FHOD3: variants seen among roughly 807,000 people sequenced by gnomAD.
FHOD3 encodes formin homology 2 domain containing 3, also known as FH1/FH2 domain-containing protein 3.
Under a neutral mutation model 173.0 loss-of-function variants are expected in FHOD3, and 90 were observed. The ratio of observed to expected loss-of-function variants is 0.52; its 90% CI spans 0.44 to 0.62. The LOEUF (loss-of-function observed/expected upper bound fraction) is 0.62, where lower values mean the gene tolerates loss of function less well. Among genes scored for constraint, FHOD3 ranks in the 20% least tolerant of loss-of-function variants. The probability of loss-of-function intolerance (pLI) is 0.00; values close to 1 mark genes in which losing one functional copy is unlikely to be tolerated. For missense variants in FHOD3, 1,945 were observed against 2,034.7 expected (o/e 0.96, Z 0.85); for synonymous variants, 828 against 823.0 (o/e 1.01, Z -0.10).
Position 36,648,031 on chromosome 18 carries a change from A to T in FHOD3, c.1197-1285A>T, listed in dbSNP as rs1600074807. ...GAAAAAACAGCTGAAGGACAGTGGGATGACAGAGTTAAAGATCCTGGTAGA... is the reference window on the plus strand; with the variant it reads ...GAAAAAACAGCTGAAGGACAGTGGGTTGACAGAGTTAAAGATCCTGGTAGA... On this transcript the variant is annotated intron_variant, in intron 10 of 28. Transcript: ENST00000590592. Among the ~76,000 whole-genome samples the T allele has an allele frequency of 2.0e-5, 3 of 152,226 alleles. No homozygotes were observed. In the East Asian group the frequency reaches 5.8e-4, roughly 29 times the overall value.
intron 3 of FHOD3, among the ~76,000 whole-genome samples, chr18:36,449,909 T>C (rs115255025): frequency 0.022 from 3,305 of 152,242 alleles, 119 homozygotes; most frequent in African/African-American, 0.075. Flanking sequence ...TTGAACCATG[T>C]TTTTCATTTA....
chr18:36,736,184 C>T (rs573746601), intron 20 of FHOD3, among the ~76,000 whole-genome samples: 1 of 152,352 alleles, frequency 6.6e-6, no homozygotes, highest in South Asian at 2.1e-4. Context: ...CCAGCAGGAG[C>T]AAAACTCCGT....
chr18:36,459,221 G>A (rs1046027430), intron 3 of FHOD3, among the ~76,000 whole-genome samples: 1 of 152,184 alleles, frequency 6.6e-6, no homozygotes, highest in African/African-American at 2.4e-5. Flanking sequence ...TCCTGATTGA[G>A]AAAGAGGAGC....
intron 17 of FHOD3, among the ~76,000 whole-genome samples, chr18:36,705,892 T>C (rs1411504459): frequency 2.0e-5 from 3 of 152,002 alleles, no homozygotes; most frequent in Non-Finnish European, 4.4e-5. Context: ...AATGAGACGT[T>C]TTCCTGCATT....
At chr18:36,316,986 T>A (rs1459077702) in intron 1 of FHOD3, among the ~76,000 whole-genome samples, 1 of 152,064 alleles carries the variant, frequency 6.6e-6, no homozygotes, top group Non-Finnish European at 1.5e-5. Flanking sequence ...TGGTTTTCTG[T>A]CCTTGTGATA....
intron 3 of FHOD3, among the ~76,000 whole-genome samples, chr18:36,403,311 G>A (rs1318989427): frequency 6.6e-6 from 1 of 152,198 alleles, no homozygotes; most frequent in Non-Finnish European, 1.5e-5. Flanking sequence ...AGGTGAATCT[G>A]CATGCTTATT....
chr18:36,438,350 G>A (rs1340655872), intron 3 of FHOD3, among the ~76,000 whole-genome samples: 1 of 152,054 alleles, frequency 6.6e-6, no homozygotes, highest in Non-Finnish European at 1.5e-5. Flanking sequence ...GCTTTTTCTT[G>A]CTGTGTTCTC....
rs758801879 is a variant in FHOD3 at position 36,388,027 on chromosome 18, G to GTTTA, written c.337+15288_337+15291dup. Among the ~76,000 whole-genome samples, 45 of 152,120 alleles carry GTTTA rather than the reference G, an allele frequency of 3.0e-4. 1 individual carries two copies. The highest frequency in any genetic ancestry group is 5.6e-4 in the Non-Finnish European group (38 of 68,008). ...TCCCTAACTGAACTTTGGGGACATA[G>GTTTA]TTTATTTAAAAATTGGAGAACTCTC... On this transcript the variant is annotated intron_variant, in intron 3 of 28. Transcript: ENST00000590592.
intron 3 of FHOD3, among the ~76,000 whole-genome samples, chr18:36,399,350 A>G (rs936691042): frequency 2.0e-5 from 3 of 152,174 alleles, no homozygotes; most frequent in Non-Finnish European, 4.4e-5. Flanking sequence ...CCCAGCTTGC[A>G]CCTATGGGTC....
chr18:36,692,151 C>T (rs1485229465), intron 16 of FHOD3, among the ~76,000 whole-genome samples: 1 of 152,226 alleles, frequency 6.6e-6, no homozygotes, highest in Non-Finnish European at 1.5e-5. Flanking sequence ...AAACCACACC[C>T]ACCTTGAGGA....
rs1304053067 is a variant in FHOD3 at position 36,701,199 on chromosome 18, A to G, written c.2236+7776A>G. Reference sequence around the variant, plus strand: ...AGAGACAGCTGTTTCCTCTCTACCCAGGAAGAAATTTATTACATGAGCCAT... The same window carrying G: ...AGAGACAGCTGTTTCCTCTCTACCCGGGAAGAAATTTATTACATGAGCCAT... On this transcript the variant is annotated intron_variant, in intron 17 of 28. Coordinates refer to ENST00000590592, the MANE Select transcript of FHOD3 (RefSeq NM_001281740.3). 3.3e-5 allele frequency among the ~76,000 whole-genome samples: 5 copies of G among 152,200 alleles called. No homozygotes were observed. In the South Asian group the frequency reaches 8.3e-4, roughly 25 times the overall value.
intron 2 of FHOD3, among the ~76,000 whole-genome samples, chr18:36,368,449 G>C (rs1051972055): frequency 6.6e-6 from 1 of 152,078 alleles, no homozygotes; most frequent in Non-Finnish European, 1.5e-5. Flanking sequence ...GCACACATCT[G>C]GGGGGCAGCT....
intron 3 of FHOD3, among the ~76,000 whole-genome samples, chr18:36,493,311 AT>A (rs915005475): frequency 2.1e-4 from 31 of 150,548 alleles, no homozygotes; most frequent in African/African-American, 6.8e-4. Context: ...CGACCAAGCA[AT>A]TTTTTTTCAC....
intron 3 of FHOD3, among the ~76,000 whole-genome samples, chr18:36,419,410 T>G (rs756041823): frequency 2.6e-5 from 4 of 151,970 alleles, no homozygotes; most frequent in Non-Finnish European, 5.9e-5. Context: ...AGCTCCCAGT[T>G]TAGCTGTTGG....
intron 6 of FHOD3, among the ~76,000 whole-genome samples, chr18:36,583,608 G>T (rs914990807): frequency 6.6e-6 from 1 of 151,946 alleles, no homozygotes; most frequent in African/African-American, 2.4e-5. Context: ...GCTGTGCACC[G>T]CTAGGCCTGC....
At chr18:36,645,663 C>T (rs1401801423) in intron 10 of FHOD3, among the ~76,000 whole-genome samples, 1 of 152,084 alleles carries the variant, frequency 6.6e-6, no homozygotes, top group Non-Finnish European at 1.5e-5. Flanking sequence ...AGATCAATCT[C>T]TTTCCAAAAT....
chr18:36,464,299 C>G (rs2052771896), intron 3 of FHOD3, among the ~76,000 whole-genome samples: 1 of 152,228 alleles, frequency 6.6e-6, no homozygotes, highest in South Asian at 2.1e-4. Context: ...ATAAACATTC[C>G]TTTCATTAGT....
intron 6 of FHOD3, among the ~76,000 whole-genome samples, chr18:36,593,477 G>A (rs1002135934): frequency 6.6e-6 from 1 of 152,162 alleles, no homozygotes; most frequent in East Asian, 1.9e-4. Flanking sequence ...GAATGACTTG[G>A]GGTGAGTGGT....
At chr18:36,508,353 AC>A (rs2055424034) in intron 4 of FHOD3, among the ~76,000 whole-genome samples, 1 of 152,056 alleles carries the variant, frequency 6.6e-6, no homozygotes, top group Non-Finnish European at 1.5e-5. Context: ...GGTCTGAAAC[AC>A]CAAAAGGCAC....
Sources: allele counts gnomAD v4.1 joint callset (sites outside exome capture counted in the v4.1 genomes callset), GRCh38; gene constraint gnomAD v4.1.1; transcripts MANE v1.5; gene names NCBI Gene and HGNC (gene_info 2026-07-23, HGNC 2026-07-21).